The following LONRF2 variants were observed in gnomAD, a reference collection of about 807,000 sequenced individuals.
LONRF2 encodes the protein LON peptidase N-terminal domain and ring finger 2, also known as LON peptidase N-terminal domain and RING finger protein 2.
Under a neutral mutation model 66.6 loss-of-function variants are expected in LONRF2, and 35 were observed. The ratio of observed to expected loss-of-function variants is 0.53; its 90% CI spans 0.40 to 0.70. LONRF2 has a LOEUF of 0.70. LONRF2 is among the 30% of genes least tolerant of loss of function. The pLI is 0.00. For synonymous variants in LONRF2, 417 were observed against 418.1 expected (o/e 1.00, Z 0.03); for missense variants, 902 against 1,002.1 (o/e 0.90, Z 1.35).
intron 2 of LONRF2, among the ~76,000 whole-genome samples, chr2:100,303,910 T>C (rs1675235514): frequency 6.6e-6 from 1 of 152,154 alleles, no homozygotes. Flanking sequence ...TGCCAAACAT[T>C]TTCTGTCTTC....
chr2:100,276,586 G>A lies in LONRF2; in HGVS notation c.*7712C>T, dbSNP rs1231537007. ...TTAAAACTTACTAATTAATAAAGGG[G>A]TGATTATACCCTTGTTTCTCCATTG... On this transcript the variant is annotated 3_prime_UTR_variant, in exon 12 of 12. Coordinates refer to ENST00000393437, the MANE Select transcript of LONRF2 (RefSeq NM_198461.4). The A allele has an allele frequency of 6.6e-6, 1 of 152,058 alleles. No individual in the cohort carries two copies. Among genetic ancestry groups the A allele is most frequent in the Non-Finnish European group, 1.5e-5 (1 of 68,020 alleles). The allele number at this position is 152,058 out of a possible 1,614,324, so 9.4% of individuals were successfully genotyped here. A position where few individuals can be genotyped will look rare whatever the true frequency, so the allele number is the denominator to read the frequency against.
At chr2:100,290,546 C>G in intron 9 of LONRF2, 126 bp from the exon 10 acceptor site, 1 of 930,560 alleles carries the variant, frequency 1.1e-6, no homozygotes, top group Non-Finnish European at 1.6e-6. Flanking sequence ...CACATCAGAC[C>G]AGCAAGGTTA....
intron 2 of LONRF2, among the ~76,000 whole-genome samples, chr2:100,308,352 GA>G (rs1675338993): frequency 2.0e-5 from 3 of 152,220 alleles, no homozygotes; most frequent in East Asian, 1.9e-4. Context: ...AGATGGGAGG[GA>G]AAAAGGGCAG....
intron 7 of LONRF2, among the ~76,000 whole-genome samples, chr2:100,298,566 G>A (rs1016790222): frequency 4.6e-5 from 7 of 152,174 alleles, no homozygotes; most frequent in East Asian, 3.8e-4. Context: ...TACAATGAAC[G>A]TAATGTAGGG....
At chr2:100,305,547 C>T (rs1161748835) in intron 2 of LONRF2, among the ~76,000 whole-genome samples, 3 of 152,288 alleles carry the variant, frequency 2.0e-5, no homozygotes, top group East Asian at 3.9e-4. Flanking sequence ...GCTGATGGTG[C>T]CCAGGTTCCA....
chr2:100,287,088 G>C (rs1674862516), intron 10 of LONRF2, 25 bp from the exon 11 acceptor site: 1 of 1,609,846 alleles, frequency 6.2e-7, no homozygotes, highest in Non-Finnish European at 8.5e-7. Flanking sequence ...AGGCACAGCT[G>C]TGTGAACCAT....
chr2:100,308,791 T>C (rs886888488), intron 2 of LONRF2, among the ~76,000 whole-genome samples: 5 of 152,106 alleles, frequency 3.3e-5, no homozygotes, highest in Admixed American at 6.6e-5. Context: ...TAATTTTAAA[T>C]ATTTTTTCTT....
In LONRF2 at chr2:100,274,011, G is replaced by A. The variant is rs1674547354; in HGVS notation, c.*10287C>T. On this transcript the variant is annotated 3_prime_UTR_variant, in exon 12 of 12. Transcript: ENST00000393437. ...CAGTACAAAAAGGTGACAAAACTAT[G>A]AAAGTGAAAATACTATGGTAAATAA... 6.6e-6 allele frequency: 1 copy of A among 152,172 alleles called. No homozygotes were observed. Among genetic ancestry groups the A allele is most frequent in the Admixed American group, 6.5e-5 (1 of 15,282 alleles). The allele number at this position is 152,172 out of a possible 1,614,324, so 9.4% of individuals were successfully genotyped here. A position where few individuals can be genotyped will look rare whatever the true frequency, so the allele number is the denominator to read the frequency against.
At chr2:100,285,983 T>C (rs759970411) in intron 11 of LONRF2, among the ~76,000 whole-genome samples, 19 of 152,152 alleles carry the variant, frequency 1.2e-4, no homozygotes, top group Admixed American at 3.3e-4. Context: ...CATATCCTAA[T>C]GCAAGTCAGT....
Position 100,274,789 on chromosome 2 carries a change from C to A in LONRF2, c.*9509G>T. ...GCCATGGAGACACAGTGGAAAGCTGCTCGCCTAGTTCTGCCTCCTGACCAC... is the reference window on the plus strand; with the variant it reads ...GCCATGGAGACACAGTGGAAAGCTGATCGCCTAGTTCTGCCTCCTGACCAC... On this transcript the variant is annotated 3_prime_UTR_variant, in exon 12 of 12. Transcript: ENST00000393437. The A allele has an allele frequency of 6.5e-6, 1 of 153,046 alleles. No individual in the cohort carries two copies. 9.5% of individuals were successfully genotyped at this position (153,046 alleles called of 1,614,324 possible).
rs769177085 is a variant in LONRF2 at position 100,299,333 on chromosome 2, A to T, written c.1268-14T>A. The T allele has an allele frequency of 2.0e-6, 3 of 1,506,378 alleles. No individual in the cohort carries two copies. In the East Asian group the frequency reaches 6.9e-5, roughly 35 times the overall value. 93.3% of individuals were successfully genotyped at this position (1,506,378 alleles called of 1,614,324 possible). Reference sequence around the variant, plus strand: ...GAAGTGAGAGATCTGAATGCGAAAAAATTTAAAACGCTGTAATTAACACCT... The same window carrying T: ...GAAGTGAGAGATCTGAATGCGAAAATATTTAAAACGCTGTAATTAACACCT... On this transcript the variant is annotated splice_polypyrimidine_tract_variant and intron_variant, in intron 5 of 11. Coordinates refer to ENST00000393437, the MANE Select transcript of LONRF2 (RefSeq NM_198461.4).
intron 1 of LONRF2, among the ~76,000 whole-genome samples, chr2:100,321,049 T>C (rs1675611265): frequency 6.6e-6 from 1 of 152,142 alleles, no homozygotes; most frequent in Admixed American, 6.5e-5. Flanking sequence ...TCTGCGCCTG[T>C]AGTGTGTCAG....
At position 100,273,716 on chromosome 2, in the gene LONRF2, G is replaced by A. The variant is rs1430627703; in HGVS notation, c.*10582C>T. On this transcript the variant is annotated 3_prime_UTR_variant, in exon 12 of 12. Coordinates refer to ENST00000393437, the MANE Select transcript of LONRF2 (RefSeq NM_198461.4). ...AAACAAGAAAAAGCATGATTATTAA[G>A]TTTATCTACACCAGCTTATTTATTC... 1.3e-5 allele frequency: 2 copies of A among 151,922 alleles called. No individual in the cohort carries two copies. The highest frequency in any genetic ancestry group is 2.9e-5 in the Non-Finnish European group (2 of 67,980). 9.4% of individuals were successfully genotyped at this position (151,922 alleles called of 1,614,324 possible).
intron 7 of LONRF2, 118 bp from the exon 8 acceptor site, chr2:100,295,671 A>G (rs1675051726): frequency 1.0e-6 from 1 of 1,000,058 alleles, no homozygotes; most frequent in Admixed American, 2.4e-5. Flanking sequence ...GTAAGAAGGA[A>G]AAGGGATGGA....
In LONRF2 at chr2:100,322,081, G is replaced by T; in HGVS notation, c.13C>A (p.Pro5Thr). The change falls in exon 1 of 12, where the codon CCG (proline) becomes ACG (threonine). Residue 5 changes from proline (P) to threonine (T), a missense_variant. By Grantham distance (38) the Pro-to-Thr change is conservative. Transcript: ENST00000393437. ...TGGGGCGGCGGCGGCGGCGGGACCGGCTCGGGGCTCATCACCGCGGGGCTG... is the reference window on the plus strand; with the variant it reads ...TGGGGCGGCGGCGGCGGCGGGACCGTCTCGGGGCTCATCACCGCGGGGCTG... MSPE[P>T]VPPPPPPQCP... 1 of 1,284,146 alleles carries T rather than the reference G, an allele frequency of 7.8e-7. No homozygotes were observed. The highest frequency in any genetic ancestry group is 4.2e-5 in the Admixed American group (1 of 24,054). 79.5% of individuals were successfully genotyped at this position (1,284,146 alleles called of 1,614,324 possible).
At chr2:100,319,116 G>A (rs1407854496) in intron 1 of LONRF2, among the ~76,000 whole-genome samples, 4 of 108,404 alleles carry the variant, frequency 3.7e-5, no homozygotes, top group Non-Finnish European at 7.4e-5. Flanking sequence ...GCAAGACTCC[G>A]TCTTAAAAAA....
chr2:100,297,974 A>C (rs1675106056), intron 7 of LONRF2, among the ~76,000 whole-genome samples: 1 of 141,706 alleles, frequency 7.1e-6, no homozygotes, highest in East Asian at 2.3e-4. Flanking sequence ...ATTTTACTGT[A>C]CGTTTGTAAA....
intron 1 of LONRF2, 197 bp from the exon 2 acceptor site, chr2:100,309,422 G>A: frequency 3.4e-6 from 1 of 294,448 alleles, no homozygotes; most frequent in Admixed American, 4.9e-5. Context: ...TATTTGATAA[G>A]TATATTTTAG....
chr2:100,285,492 T>C (rs935706667), intron 11 of LONRF2, among the ~76,000 whole-genome samples: 2 of 152,158 alleles, frequency 1.3e-5, no homozygotes, highest in Non-Finnish European at 2.9e-5. Flanking sequence ...AAAATCCCTC[T>C]GTAGTCATGA....
Sources: allele counts gnomAD v4.1 joint callset (sites outside exome capture counted in the v4.1 genomes callset), GRCh38; gene constraint gnomAD v4.1.1; transcripts MANE v1.5; gene names NCBI Gene and HGNC (gene_info 2026-07-23, HGNC 2026-07-21).